KIT: variants seen among roughly 807,000 people sequenced by gnomAD.
KIT encodes KIT proto-oncogene, receptor tyrosine kinase, also known as mast/stem cell growth factor receptor Kit.
Under a neutral mutation model 105.7 loss-of-function variants are expected in KIT, and 16 were observed. The observed-to-expected ratio is 0.15, with a 90% CI of 0.10 to 0.23. The LOEUF (loss-of-function observed/expected upper bound fraction) is 0.23. KIT is among the 10% of genes least tolerant of loss of function. The probability of loss-of-function intolerance (pLI) is 1.00; values close to 1 mark genes in which losing one functional copy is unlikely to be tolerated. For missense variants in KIT, 858 were observed against 1,213.8 expected, an observed-to-expected ratio of 0.71 and a Z score of 4.36; for synonymous variants, 438 against 441.1, an observed-to-expected ratio of 0.99 and a Z score of 0.09.
At chr4:54,734,017 C>T (rs1336405857) in intron 17 of KIT, among the ~76,000 whole-genome samples, 1 of 152,132 alleles carries the variant, frequency 6.6e-6, no homozygotes, top group Admixed American at 6.6e-5. Flanking sequence ...ACTGTGGCGT[C>T]TCTATTGGTA....
chr4:54,716,689 G>A (rs376131742), intron 7 of KIT, among the ~76,000 whole-genome samples: 7 of 152,240 alleles, frequency 4.6e-5, no homozygotes, highest in Non-Finnish European at 4.4e-5. Context: ...ATCCAGGAGC[G>A]AGGCGGGACT....
At chr4:54,662,707 G>A (rs1239130791) in intron 1 of KIT, among the ~76,000 whole-genome samples, 1 of 151,978 alleles carries the variant, frequency 6.6e-6, no homozygotes, top group Non-Finnish European at 1.5e-5. Context: ...TGAGTAGCTG[G>A]GATTACAGGC....
intron 1 of KIT, among the ~76,000 whole-genome samples, chr4:54,668,191 T>A (rs1418283250): frequency 3.3e-5 from 5 of 152,272 alleles, no homozygotes; most frequent in African/African-American, 1.2e-4. Context: ...AGGGGCACAC[T>A]GGTGGCTGCC....
At chr4:54,674,402 G>T (rs1204682287) in intron 1 of KIT, among the ~76,000 whole-genome samples, 1 of 152,204 alleles carries the variant, frequency 6.6e-6, no homozygotes, top group Non-Finnish European at 1.5e-5. Context: ...GCTTTCCAGT[G>T]AGTGCCTGAT....
intron 17 of KIT, among the ~76,000 whole-genome samples, chr4:54,735,687 C>A (rs1722888477): frequency 6.6e-6 from 1 of 152,122 alleles, no homozygotes; most frequent in Non-Finnish European, 1.5e-5. Flanking sequence ...TAAAAGTATT[C>A]ATTTTGTTTT....
intron 17 of KIT, among the ~76,000 whole-genome samples, chr4:54,735,700 A>G (rs1034208346): frequency 6.6e-6 from 1 of 152,248 alleles, no homozygotes; most frequent in Non-Finnish European, 1.5e-5. Flanking sequence ...TTTGTTTTAC[A>G]GAAGAAGATA....
intron 8 of KIT, among the ~76,000 whole-genome samples, chr4:54,725,571 T>C (rs1208350687): frequency 6.6e-6 from 1 of 152,176 alleles, no homozygotes; most frequent in Admixed American, 6.5e-5. Flanking sequence ...CAATGGGTAT[T>C]ACTATCCCTG....
intron 1 of KIT, among the ~76,000 whole-genome samples, chr4:54,693,902 T>G (rs796391535): frequency 1.1e-4 from 17 of 152,284 alleles, no homozygotes; most frequent in African/African-American, 4.1e-4. Flanking sequence ...CAATCTATAG[T>G]GTCTTTTCCT....
intron 2 of KIT, 112 bp downstream of exon 2, chr4:54,695,893 C>G: frequency 1.6e-6 from 2 of 1,248,948 alleles, no homozygotes; most frequent in Non-Finnish European, 2.3e-6. Context: ...CTGGCTGGGT[C>G]TAGAAGGCCT....
At chr4:54,684,526 GA>G (rs1426202170) in intron 1 of KIT, among the ~76,000 whole-genome samples, 3 of 152,018 alleles carry the variant, frequency 2.0e-5, no homozygotes, top group African/African-American at 7.3e-5. Flanking sequence ...TTCCTCTGTG[GA>G]TGTTCATCTC....
rs745967881 is a variant in KIT, at chr4:54,736,794, C to T, written c.2670C>T (p.Leu890=). The change falls in exon 19 of 21, where the codon CTC becomes CTT. Residue 890 remains leucine (L), a synonymous_variant. Transcript: ENST00000288135. ...YKMIKEGFRM[L]SPEHAPAEMY... ...TGATCAAGGAAGGCTTCCGGATGCT[C>T]AGCCCTGAACACGCACCTGCTGAAA... 64 of 1,613,986 alleles carry T rather than the reference C, an allele frequency of 4.0e-5. No homozygotes were observed. The highest frequency in any genetic ancestry group is 5.1e-5 in the Non-Finnish European group (60 of 1,179,970).
intron 16 of KIT, 47 bp downstream of exon 16, chr4:54,732,045 ATT>A (rs71662297): frequency 0.095 from 80,791 of 847,122 alleles, 334 homozygotes; most frequent in African/African-American, 0.21. Context: ...TGTTTTTTTG[ATT>A]TTTTTTTTTT....
chr4:54,726,278 G>A (rs993341986), intron 9 of KIT, among the ~76,000 whole-genome samples: 1 of 152,126 alleles, frequency 6.6e-6, no homozygotes, highest in Admixed American at 6.5e-5. Flanking sequence ...ATGTATGTGT[G>A]TCTCTATTAG....
chr4:54,727,556 A>T lies in KIT; in HGVS notation c.1774+14A>T. The T allele has an allele frequency of 6.2e-7, 1 of 1,614,070 alleles. No homozygotes were observed. The highest frequency in any genetic ancestry group is 8.5e-7 in the Non-Finnish European group (1 of 1,179,966). ...GGCTGAGTTTTGGTCAGTATGAAAC[A>T]GGGGCTTTCCATGTCACCTTTTTGG... On this transcript the variant is annotated intron_variant, in intron 11 of 20. Coordinates refer to ENST00000288135, the MANE Select transcript of KIT (RefSeq NM_000222.3).
intron 1 of KIT, among the ~76,000 whole-genome samples, chr4:54,661,981 A>G (rs1717307224): frequency 6.6e-6 from 1 of 152,228 alleles, no homozygotes; most frequent in East Asian, 1.9e-4. Flanking sequence ...CCGAGGAGAC[A>G]TGTTTTCTTT....
Position 54,698,280 on chromosome 4 carries a change from A to T in KIT, c.338-4A>T, listed in dbSNP as rs878853766. ...AACTACTGATTTTGGATATGCTTCT[A>T]TAGATCCTGCCAAGCTTTTCCTTGT... is the stretch of plus-strand genomic sequence containing the variant. On this transcript the variant is annotated splice_polypyrimidine_tract_variant and splice_region_variant and intron_variant, in intron 2 of 20. Transcript: ENST00000288135. 6.2e-7 allele frequency: 1 copy of T among 1,613,294 alleles called. No individual in the cohort carries two copies. Among genetic ancestry groups the T allele is most frequent in the Non-Finnish European group, 8.5e-7 (1 of 1,179,608 alleles).
At chr4:54,692,526 A>G (rs1443223133) in intron 1 of KIT, among the ~76,000 whole-genome samples, 1 of 152,242 alleles carries the variant, frequency 6.6e-6, no homozygotes, top group African/African-American at 2.4e-5. Flanking sequence ...ACCCATGAGA[A>G]AATGGAATTG....
chr4:54,734,482 G>A (rs761770768), intron 17 of KIT, among the ~76,000 whole-genome samples: 7 of 152,118 alleles, frequency 4.6e-5, no homozygotes, highest in Non-Finnish European at 7.4e-5. Flanking sequence ...TAATCGTGAC[G>A]GTGGTTACAT....
chr4:54,663,566 G>C (rs1717462619), intron 1 of KIT, among the ~76,000 whole-genome samples: 1 of 147,580 alleles, frequency 6.8e-6, no homozygotes, highest in African/African-American at 2.5e-5. Flanking sequence ...TAGTGGTAAT[G>C]CATGTTTATC....
Sources: gnomAD v4.1 joint callset for allele counts (sites outside exome capture counted in the v4.1 genomes callset) on GRCh38, gnomAD v4.1.1 for gene constraint, MANE v1.5 for transcripts, NCBI Gene and HGNC (gene_info 2026-07-23, HGNC 2026-07-21) for gene names.